UVRAG: variants seen among roughly 807,000 people sequenced by gnomAD.
UVRAG encodes the protein UV radiation resistance-associated gene protein.
In UVRAG, 19 loss-of-function variants were observed where a neutral mutation model predicts 78.0. That is an observed-to-expected ratio of 0.24 (90% CI 0.17 to 0.36). The LOEUF is 0.36. Among genes scored for constraint, UVRAG ranks in the 10% least tolerant of loss-of-function variants. The pLI is 1.00. For missense variants in UVRAG, 740 were observed against 853.8 expected, an observed-to-expected ratio of 0.87 and a Z score of 1.66; for synonymous variants, 323 against 324.6, an observed-to-expected ratio of 1.00 and a Z score of 0.05.
intron 1 of UVRAG, among the ~76,000 whole-genome samples, chr11:75,836,025 C>A (rs568248980): frequency 6.6e-6 from 1 of 151,872 alleles, no homozygotes; most frequent in Admixed American, 6.6e-5. Flanking sequence ...CGCTTGAACC[C>A]GGGAGGCGGA....
At chr11:76,110,607 G>T (rs1041029205) in intron 13 of UVRAG, among the ~76,000 whole-genome samples, 11 of 152,278 alleles carry the variant, frequency 7.2e-5, no homozygotes, top group African/African-American at 2.4e-4. Flanking sequence ...ATGGGGAGGA[G>T]TTTAGGGTCA....
chr11:76,053,308 AACACACACACACACAC>A (rs377457433), intron 12 of UVRAG, among the ~76,000 whole-genome samples: 1 of 140,698 alleles, frequency 7.1e-6, no homozygotes, highest in South Asian at 2.3e-4. Flanking sequence ...TCTGTCTCAA[AACACACACACACACAC>A]ACACACACAC....
chr11:75,826,416 A>C (rs766978229), intron 1 of UVRAG, among the ~76,000 whole-genome samples: 1 of 152,122 alleles, frequency 6.6e-6, no homozygotes, highest in Non-Finnish European at 1.5e-5. Context: ...CTGCCTCCTA[A>C]AGTGCTGGGA....
intron 8 of UVRAG, among the ~76,000 whole-genome samples, chr11:76,002,954 G>A (rs1949846054): frequency 1.3e-5 from 2 of 151,998 alleles, no homozygotes; most frequent in Admixed American, 1.3e-4. Context: ...ACATGTGTCT[G>A]TTGTCCCAGA....
chr11:75,956,659 C>G (rs996531173), intron 6 of UVRAG, among the ~76,000 whole-genome samples: 5 of 152,136 alleles, frequency 3.3e-5, no homozygotes, highest in African/African-American at 1.2e-4. Context: ...AAAATAATTG[C>G]AAGAACTGTA....
At chr11:76,128,947 G>A (rs943517074) in intron 14 of UVRAG, among the ~76,000 whole-genome samples, 2 of 152,024 alleles carry the variant, frequency 1.3e-5, no homozygotes, top group Admixed American at 6.6e-5. Context: ...TTCTCTTAAT[G>A]GATAGCAATC....
At chr11:75,899,731 GA>G (rs1199975300) in intron 5 of UVRAG, among the ~76,000 whole-genome samples, 1 of 152,178 alleles carries the variant, frequency 6.6e-6, no homozygotes, top group Non-Finnish European at 1.5e-5. Flanking sequence ...AATCAAATGA[GA>G]GAGAACACGT....
intron 1 of UVRAG, chr11:75,835,161 G>T (rs908874016): frequency 3.9e-5 from 6 of 152,226 alleles, no homozygotes; most frequent in Non-Finnish European, 7.4e-5. Flanking sequence ...ATTTTTGTGT[G>T]TATCATGTGT....
intron 1 of UVRAG, among the ~76,000 whole-genome samples, chr11:75,826,566 A>G (rs1171641404): frequency 3.9e-5 from 6 of 152,218 alleles, no homozygotes; most frequent in African/African-American, 1.2e-4. Context: ...CTTTAAGGGC[A>G]GAGCACTCAG....
At chr11:75,983,581 A>T (rs1463104201) in intron 8 of UVRAG, 68 bp downstream of exon 8, 27 of 1,479,154 alleles carry the variant, frequency 1.8e-5, no homozygotes, top group Non-Finnish European at 2.3e-5. Flanking sequence ...TCTTCTTCAC[A>T]AGCTCAAATA....
At chr11:76,117,505 A>G (rs968911737) in intron 14 of UVRAG, among the ~76,000 whole-genome samples, 2 of 152,310 alleles carry the variant, frequency 1.3e-5, no homozygotes, top group South Asian at 4.1e-4. Flanking sequence ...GTAAGATGTA[A>G]TTTCTAAAAG....
intron 12 of UVRAG, among the ~76,000 whole-genome samples, chr11:76,052,581 C>T (rs192896103): frequency 1.3e-5 from 2 of 152,330 alleles, no homozygotes; most frequent in East Asian, 3.9e-4. Flanking sequence ...TACCAGTGAA[C>T]CCACAGAGTC....
chr11:75,952,201 C>G (rs1348955069), intron 6 of UVRAG, among the ~76,000 whole-genome samples: 1 of 152,158 alleles, frequency 6.6e-6, no homozygotes, highest in Non-Finnish European at 1.5e-5. Flanking sequence ...TTGGATTTTT[C>G]TACATACACA....
chr11:75,919,070 T>C (rs1591017278), intron 6 of UVRAG, among the ~76,000 whole-genome samples: 2 of 152,318 alleles, frequency 1.3e-5, no homozygotes, highest in South Asian at 2.1e-4. Flanking sequence ...CTGTCAACTA[T>C]AAAATTCCAA....
At chr11:75,969,642 T>C (rs1949088011) in intron 7 of UVRAG, among the ~76,000 whole-genome samples, 1 of 152,186 alleles carries the variant, frequency 6.6e-6, no homozygotes, top group Non-Finnish European at 1.5e-5. Flanking sequence ...AATATAATAA[T>C]GATTGGAAAT....
intron 6 of UVRAG, among the ~76,000 whole-genome samples, chr11:75,932,171 A>G (rs891606743): frequency 2.0e-5 from 3 of 152,206 alleles, no homozygotes; most frequent in African/African-American, 7.2e-5. Context: ...TCAATTTATA[A>G]CAGCCAAACA....
chr11:75,907,578 A>G (rs1352200667), intron 5 of UVRAG, among the ~76,000 whole-genome samples: 1 of 152,108 alleles, frequency 6.6e-6, no homozygotes, highest in South Asian at 2.1e-4. Context: ...CAGTGGCACA[A>G]TCATGGCTCA....
rs113090905 is a variant in UVRAG, at chr11:76,090,022, G to A, written c.1305+24234G>A. Among the ~76,000 whole-genome samples the A allele has an allele frequency of 1.7e-3, 264 of 152,192 alleles. 1 individual carries two copies. Among genetic ancestry groups the A allele is most frequent in the African/African-American group, 6.1e-3 (252 of 41,510 alleles). The stretch of plus-strand genomic sequence containing the variant: ...CCTCCGCCCTCGCTAGCCACCATTC[G>A]GTGTTCTTTCCCAAGGGCTAAATGG... On this transcript the variant is annotated intron_variant, in intron 13 of 14. Transcript: ENST00000356136.
chr11:75,998,683 G>T (rs990808900), intron 8 of UVRAG, among the ~76,000 whole-genome samples: 11 of 152,174 alleles, frequency 7.2e-5, no homozygotes, highest in South Asian at 2.1e-4. Flanking sequence ...GAAGTTGGGG[G>T]CTGCTGTGTA....
Sources: allele counts gnomAD v4.1 joint callset (sites outside exome capture counted in the v4.1 genomes callset), GRCh38; gene constraint gnomAD v4.1.1; transcripts MANE v1.5; gene names NCBI Gene and HGNC (gene_info 2026-07-23, HGNC 2026-07-21).